DDX60L: variants seen among roughly 807,000 people sequenced by gnomAD.
DDX60L encodes DExD/H-box 60 like.
Under a neutral mutation model 211.6 loss-of-function variants are expected in DDX60L, and 191 were observed. That is an observed-to-expected ratio of 0.90 (90% confidence interval 0.80 to 1.02). DDX60L has a LOEUF of 1.02. DDX60L is among the 50% of genes least tolerant of loss of function. The pLI is 0.00. For missense variants in DDX60L, 2,007 were observed against 1,984.1 expected, an observed-to-expected ratio of 1.01 and a Z score of -0.22; for synonymous variants, 706 against 694.1, an observed-to-expected ratio of 1.02 and a Z score of -0.27.
intron 36 of DDX60L, among the ~76,000 whole-genome samples, chr4:168,368,281 T>C (rs1740339598): frequency 6.6e-6 from 1 of 152,216 alleles, no homozygotes; most frequent in Admixed American, 6.5e-5. Flanking sequence ...GCTCCAGCCA[T>C]GGCTGAAAAA....
Position 168,471,847 on chromosome 4 carries a change from G to A in DDX60L, c.164C>T (p.Ser55Leu), listed in dbSNP as rs1262677852. ...SLLVTCLGVK[S>L]FKWGQNLHFF... ...GTGGAGATTCTGTCCCCACTTGAAT[G>A]ATTTTACACCCAGGCATGTGACAAG... Residue 55 changes from serine to leucine, a missense_variant, in exon 4 of 38, where the codon TCA becomes TTA. Coordinates refer to ENST00000682922, the MANE Select transcript of DDX60L (RefSeq NM_001012967.3). 1.2e-6 allele frequency: 2 copies of A among 1,613,700 alleles called. No individual in the cohort carries two copies. Among genetic ancestry groups the A allele is most frequent in the Non-Finnish European group, 8.5e-7 (1 of 1,179,854 alleles).
At chr4:168,414,175 CA>C (rs779095426) in intron 22 of DDX60L, among the ~76,000 whole-genome samples, 12 of 151,998 alleles carry the variant, frequency 7.9e-5, no homozygotes, top group Non-Finnish European at 1.8e-4. Context: ...CTTCCTCAGA[CA>C]AAAGCTAAGA....
At chr4:168,468,314 C>T (rs547582269) in intron 4 of DDX60L, among the ~76,000 whole-genome samples, 1 of 151,914 alleles carries the variant, frequency 6.6e-6, no homozygotes, top group African/African-American at 2.4e-5. Flanking sequence ...TAAGGTTTTC[C>T]CAGGAATAAA....
At chr4:168,456,001 A>T in intron 7 of DDX60L, 38 bp downstream of exon 7, 1 of 1,414,244 alleles carries the variant, frequency 7.1e-7, no homozygotes. Context: ...CTGATGAATG[A>T]CAGCTTTCTG....
intron 23 of DDX60L, 40 bp from the exon 24 acceptor site, chr4:168,406,118 C>T (rs762672085): frequency 2.6e-6 from 4 of 1,563,768 alleles, no homozygotes; most frequent in Non-Finnish European, 3.4e-6. Flanking sequence ...CTAAGCTATG[C>T]AATCTATAGT....
intron 4 of DDX60L, among the ~76,000 whole-genome samples, chr4:168,464,570 A>G (rs1040551237): frequency 6.6e-6 from 1 of 151,508 alleles, no homozygotes; most frequent in African/African-American, 2.4e-5. Context: ...GAACCACCTC[A>G]CCTGGACTAA....
At chr4:168,477,927 A>G (rs1028621709) in intron 1 of DDX60L, among the ~76,000 whole-genome samples, 2 of 152,186 alleles carry the variant, frequency 1.3e-5, no homozygotes, top group African/African-American at 4.8e-5. Context: ...ATGAAAGCAG[A>G]GCTGGAAAGA....
chr4:168,373,765 G>C lies in DDX60L; in HGVS notation c.4677C>G (p.His1559Gln). The C allele has an allele frequency of 6.2e-7, 1 of 1,614,052 alleles. No individual in the cohort carries two copies. The highest frequency in any genetic ancestry group is 2.2e-5 in the East Asian group (1 of 44,874). The change falls in exon 35 of 38, where the codon CAC becomes CAG. Residue 1559 changes from histidine (H) to glutamine (Q), a missense_variant. Transcript: ENST00000682922. The stretch of plus-strand genomic sequence containing the variant: ...CTCTTCCTTTCTTGCAGCTCATCAA[G>C]TGAGACACGAGTTGGGAGTCTTCAC... ...KECEDSQLVS[H>Q]LMSCKKGRVA...
chr4:168,440,614 C>G (rs543723247), intron 10 of DDX60L, among the ~76,000 whole-genome samples: 1 of 152,246 alleles, frequency 6.6e-6, no homozygotes, highest in South Asian at 2.1e-4. Flanking sequence ...TTCCCTTCCC[C>G]CAGCTAACTA....
intron 29 of DDX60L, among the ~76,000 whole-genome samples, chr4:168,386,949 A>T (rs4692925): frequency 0.75 from 113,446 of 152,164 alleles, 43,614 homozygotes; most frequent in East Asian, 0.87. Context: ...GAATATTGCC[A>T]ACACTTCTAT....
intron 4 of DDX60L, among the ~76,000 whole-genome samples, chr4:168,462,929 G>T (rs747062277): frequency 6.6e-6 from 1 of 152,010 alleles, no homozygotes; most frequent in African/African-American, 2.4e-5. Flanking sequence ...ACCATCTCAC[G>T]CCAGTCAGAT....
intron 36 of DDX60L, among the ~76,000 whole-genome samples, chr4:168,368,391 AT>A (rs1470449825): frequency 2.0e-5 from 3 of 152,350 alleles, no homozygotes; most frequent in African/African-American, 7.2e-5. Flanking sequence ...GAAGTCAATA[AT>A]TGAGATTTGG....
At chr4:168,402,990 T>C (rs1320823901) in intron 25 of DDX60L, among the ~76,000 whole-genome samples, 1 of 152,232 alleles carries the variant, frequency 6.6e-6, no homozygotes, top group East Asian at 1.9e-4. Flanking sequence ...CAGATTCCTA[T>C]CCCAAAGTCA....
chr4:168,455,952 GAGAACCTGATGCCACCAGTGA>G, intron 7 of DDX60L, 66 bp downstream of exon 7: 1 of 898,062 alleles, frequency 1.1e-6, no homozygotes. Context: ...GTCCACAGTG[GAGAACCTGATGCCACCAGTGA>G]AGTTATACCA....
chr4:168,475,034 C>G (rs1759290465), intron 1 of DDX60L, among the ~76,000 whole-genome samples: 2 of 152,090 alleles, frequency 1.3e-5, no homozygotes, highest in Admixed American at 1.3e-4. Context: ...GACATTTTAG[C>G]CACAAAAGAA....
At chr4:168,446,687 A>G (rs1754862412) in intron 9 of DDX60L, among the ~76,000 whole-genome samples, 1 of 150,366 alleles carries the variant, frequency 6.7e-6, no homozygotes, top group South Asian at 2.1e-4. Context: ...ACAGAGATAT[A>G]GATCAATGGA....
In DDX60L at chr4:168,421,882, T is replaced by G; in HGVS notation, c.2272A>C (p.Asn758His). Reference protein sequence around the residue: ...QQELLDVVDKNESAVIVAPTS... With the variant: ...QQELLDVVDKHESAVIVAPTS... ...GGGGCAACAATCACTGCTGACTCATTCTTATCTACCACATCCAGGAGTTCC... is the reference window on the plus strand; with the variant it reads ...GGGGCAACAATCACTGCTGACTCATGCTTATCTACCACATCCAGGAGTTCC... Residue 758 changes from asparagine (N) to histidine (H), a missense_variant, in exon 17 of 38, where the codon AAT becomes CAT. Physicochemically the swap from Asn to His is moderately conservative, Grantham distance 68. Transcript: ENST00000682922. 1 of 1,614,170 alleles carries G rather than the reference T, an allele frequency of 6.2e-7. No homozygotes were observed. The highest frequency in any genetic ancestry group is 8.5e-7 in the Non-Finnish European group (1 of 1,180,016).
At position 168,461,768 on chromosome 4, in the gene DDX60L, T is replaced by C; in HGVS notation, c.537A>G (p.Glu179=). 6.2e-7 allele frequency: 1 copy of C among 1,603,616 alleles called. No individual in the cohort carries two copies. The change falls in exon 5 of 38, where the codon GAA becomes GAG. Residue 179 remains glutamate, a synonymous_variant. Coordinates refer to ENST00000682922, the MANE Select transcript of DDX60L (RefSeq NM_001012967.3). ...KVNVVLSSGH[E]SDTLRFYAYT... ...ATGCATAAAATCTGAGAGTATCAGA[T>C]TCATGCCCTGATGAAAGCACAACAT...
At chr4:168,431,502 T>C (rs979497682) in intron 12 of DDX60L, among the ~76,000 whole-genome samples, 10 of 137,774 alleles carry the variant, frequency 7.3e-5, no homozygotes, top group Non-Finnish European at 1.1e-4. Context: ...AGTTCTGCAA[T>C]GAGAACACAT....
Sources: allele counts gnomAD v4.1 joint callset (sites outside exome capture counted in the v4.1 genomes callset), GRCh38; gene constraint gnomAD v4.1.1; transcripts MANE v1.5; gene names NCBI Gene and HGNC (gene_info 2026-07-23, HGNC 2026-07-21).